LIMA1: variants seen among roughly 807,000 people sequenced by gnomAD.
The protein encoded by LIMA1 is LIM domain and actin binding 1.
LIMA1 carries 52 observed loss-of-function variants against 62.6 expected under a neutral mutation model. That is an observed-to-expected ratio of 0.83 (90% CI 0.67 to 1.05). LIMA1 has a LOEUF of 1.05. LIMA1 is among the 50% of genes least tolerant of loss of function. LIMA1 has a pLI of 0.00. For missense variants in LIMA1, 780 were observed against 902.2 expected, an observed-to-expected ratio of 0.86 and a Z score of 1.74; for synonymous variants, 302 against 317.8, an observed-to-expected ratio of 0.95 and a Z score of 0.53.
intron 9 of LIMA1, among the ~76,000 whole-genome samples, chr12:50,184,543 G>C (rs1938864365): frequency 1.3e-5 from 2 of 152,282 alleles, no homozygotes; most frequent in South Asian, 4.1e-4. Flanking sequence ...CAGAGAGGCT[G>C]AGGCACAAGA....
chr12:50,215,764 C>A (rs977314790), intron 4 of LIMA1, among the ~76,000 whole-genome samples: 1 of 152,144 alleles, frequency 6.6e-6, no homozygotes, highest in South Asian at 2.1e-4. Context: ...CGAGCCACCG[C>A]GCCCGGCCTG....
rs532281298 is a variant in LIMA1 at position 50,250,286 on chromosome 12, G to A, written c.-23-1512C>T. On this transcript the variant is annotated intron_variant, in intron 1 of 10. Coordinates refer to ENST00000341247, the MANE Select transcript of LIMA1 (RefSeq NM_016357.5). ...GCCCAGGCAACAAGGACGAAACTCC[G>A]TTTCAAAAAAAAAAAAAAAAAAAAA... 3.0e-4 allele frequency among the ~76,000 whole-genome samples: 25 copies of A among 82,696 alleles called. No individual in the cohort carries two copies. The East Asian group carries it at 7.4e-3, about 25-fold the overall frequency. The allele number at this position is 82,696 out of a possible 152,430, so 54.3% of individuals were successfully genotyped here. A position where few individuals can be genotyped will look rare whatever the true frequency, so the allele number is the denominator to read the frequency against.
intron 2 of LIMA1, among the ~76,000 whole-genome samples, chr12:50,239,497 C>G (rs1353719767): frequency 6.6e-6 from 1 of 152,002 alleles, no homozygotes; most frequent in Admixed American, 6.6e-5. Flanking sequence ...AATTAGCCAC[C>G]AGGCACGTTG....
intron 8 of LIMA1, chr12:50,195,609 T>C: frequency 2.6e-6 from 1 of 389,752 alleles, no homozygotes; most frequent in African/African-American, 2.1e-5. Flanking sequence ...GAGAAAAGCA[T>C]TACAAGTATT....
At chr12:50,185,783 CAAAA>C in intron 9 of LIMA1, 1 of 228,122 alleles carries the variant, frequency 4.4e-6, no homozygotes, top group Admixed American at 5.0e-5. Context: ...CCACATGGAG[CAAAA>C]AGTCTGTCTT....
intron 9 of LIMA1, among the ~76,000 whole-genome samples, chr12:50,190,880 G>A (rs1940751129): frequency 6.6e-6 from 1 of 151,120 alleles, no homozygotes; most frequent in Admixed American, 6.6e-5. Context: ...CATTTTGGGA[G>A]GCCAAGGTGG....
At chr12:50,227,620 A>C (rs1359567063) in intron 3 of LIMA1, among the ~76,000 whole-genome samples, 1 of 152,000 alleles carries the variant, frequency 6.6e-6, no homozygotes, top group Admixed American at 6.6e-5. Context: ...TCATCTGTCA[A>C]GTAGGCCTGT....
At chr12:50,232,030 A>G (rs1225346806) in intron 2 of LIMA1, among the ~76,000 whole-genome samples, 2 of 144,834 alleles carry the variant, frequency 1.4e-5, no homozygotes. Flanking sequence ...GGCCTCCCAA[A>G]GTGAGTGCCC....
chr12:50,269,379 T>C (rs2138692052), intron 1 of LIMA1, among the ~76,000 whole-genome samples: 1 of 152,326 alleles, frequency 6.6e-6, no homozygotes, highest in Middle Eastern at 3.4e-3. Context: ...TTTCATTTTT[T>C]AGGAGGTTGG....
Position 50,222,351 on chromosome 12 carries a change from T to C in LIMA1, c.300A>G (p.Arg100=), listed in dbSNP as rs1941458285. 5 of 1,614,154 alleles carry C rather than the reference T, an allele frequency of 3.1e-6. No homozygotes were observed. Among genetic ancestry groups the C allele is most frequent in the Non-Finnish European group, 3.4e-6 (4 of 1,180,032 alleles). Residue 100 remains arginine (R), a synonymous_variant, in exon 4 of 11, where the codon AGA becomes AGG. Transcript: ENST00000341247. ...TCACTTCAGCAGGAGGATGGTCTGC[T>C]CTGTGCCTAATCTCAGTGCTGCTGT... The part of the protein sequence containing the change: ...LRNSSTEIRH[R]ADHPPAEVTS...
At chr12:50,213,931 T>C (rs749311399) in intron 4 of LIMA1, among the ~76,000 whole-genome samples, 1 of 152,054 alleles carries the variant, frequency 6.6e-6, no homozygotes, top group Non-Finnish European at 1.5e-5. Flanking sequence ...GGTCTCTAGC[T>C]GGCACATCAA....
At chr12:50,250,097 A>G (rs1217132386) in intron 1 of LIMA1, among the ~76,000 whole-genome samples, 3 of 151,932 alleles carry the variant, frequency 2.0e-5, no homozygotes, top group Non-Finnish European at 4.4e-5. Context: ...TCAGGAGTTT[A>G]GGACCAGCCT....
intron 2 of LIMA1, among the ~76,000 whole-genome samples, chr12:50,238,705 C>T (rs1022441949): frequency 6.6e-6 from 1 of 151,748 alleles, no homozygotes; most frequent in Admixed American, 6.6e-5. Flanking sequence ...TAAAAATTAG[C>T]TGGGTGTGGT....
At position 50,204,695 on chromosome 12, in the gene LIMA1, A is replaced by C; in HGVS notation, c.721T>G (p.Leu241Val). 6.2e-7 allele frequency: 1 copy of C among 1,614,102 alleles called. No homozygotes were observed. Among genetic ancestry groups the C allele is most frequent in the Admixed American group, 1.7e-5 (1 of 60,020 alleles). The change falls in exon 6 of 11, where the codon TTG becomes GTG. Residue 241 changes from leucine to valine, a missense_variant. Physicochemically the swap from Leu to Val is conservative, Grantham distance 32. Transcript: ENST00000341247. ...LDDLEIGPGQLSSSTFDSEKN... is the reference protein window; with the variant it reads ...LDDLEIGPGQVSSSTFDSEKN... ...TCCGAGTCAAATGTAGAAGATGACA[A>C]CTGACCTGGAAGCATCCAAATAACA...
At position 50,248,529 on chromosome 12, in the gene LIMA1, C is replaced by G. The variant is rs146729709; in HGVS notation, c.119+104G>C. 27 of 741,484 alleles carry G rather than the reference C, an allele frequency of 3.6e-5. No homozygotes were observed. In the African/African-American group the frequency reaches 4.5e-4, roughly 12 times the overall value. 45.9% of individuals were successfully genotyped at this position (741,484 alleles called of 1,614,324 possible). A position where few individuals can be genotyped will look rare whatever the true frequency, so the allele number is the denominator to read the frequency against. On this transcript the variant is annotated intron_variant, in intron 2 of 10. Coordinates refer to ENST00000341247, the MANE Select transcript of LIMA1 (RefSeq NM_016357.5). ...TAGTGTTTAAAATCCACGAGGCGCC[C>G]AATAAAATTATTTTACATTATGTAC...
chr12:50,208,134 G>C (rs1032914375), intron 4 of LIMA1, among the ~76,000 whole-genome samples: 2 of 151,934 alleles, frequency 1.3e-5, no homozygotes, highest in African/African-American at 4.8e-5. Flanking sequence ...GATCACTTGA[G>C]CCCAGGAGTT....
In LIMA1 at chr12:50,277,937, A is replaced by G. The variant is rs192415927; in HGVS notation, c.-24+5483T>C. Among the ~76,000 whole-genome samples the G allele has an allele frequency of 2.6e-5, 4 of 152,368 alleles. No homozygotes were observed. The East Asian group carries it at 7.7e-4, about 29-fold the overall frequency. On this transcript the variant is annotated intron_variant, in intron 1 of 10. Transcript: ENST00000341247. Reference sequence around the variant, plus strand: ...AAATGTTCTCTCTCACTAGCAAAGAAATACAAATTAATTCATTTCTGCCTA... The same window carrying G: ...AAATGTTCTCTCTCACTAGCAAAGAGATACAAATTAATTCATTTCTGCCTA...
intron 1 of LIMA1, among the ~76,000 whole-genome samples, chr12:50,267,367 G>A (rs1005825739): frequency 1.3e-4 from 19 of 149,102 alleles, no homozygotes; most frequent in Non-Finnish European, 2.5e-4. Context: ...CACCGCACCC[G>A]GTCACGCCCA....
chr12:50,222,636 G>A (rs745568359), intron 3 of LIMA1, 151 bp from the exon 4 acceptor site: 1 of 1,533,246 alleles, frequency 6.5e-7, no homozygotes. Context: ...TTGCCACATG[G>A]AGAAAGCATC....
Sources: gnomAD v4.1 joint callset for allele counts (sites outside exome capture counted in the v4.1 genomes callset) on GRCh38, gnomAD v4.1.1 for gene constraint, MANE v1.5 for transcripts, NCBI Gene and HGNC (gene_info 2026-07-23, HGNC 2026-07-21) for gene names.